Variants in IGSF22 observed in about 807,000 individuals in gnomAD.
IGSF22 encodes the protein immunoglobulin superfamily member 22.
IGSF22 carries 119 observed loss-of-function variants against 127.0 expected under a neutral mutation model. The observed-to-expected ratio is 0.94, with a 90% CI of 0.81 to 1.09. IGSF22 has a LOEUF of 1.09. Among genes scored for constraint, IGSF22 ranks in the 50% least tolerant of loss-of-function variants. The pLI is 0.00. For missense variants in IGSF22, 1,518 were observed against 1,716.6 expected (o/e 0.88, Z 2.04); for synonymous variants, 568 against 664.7 (o/e 0.85, Z 2.24).
chr11:18,707,263 A>G (rs755519953), intron 20 of IGSF22, 50 bp from the exon 21 acceptor site: 29 of 1,449,858 alleles, frequency 2.0e-5, no homozygotes, highest in South Asian at 7.0e-5. Flanking sequence ...CTGAAGTATT[A>G]TGTCCCCACC....
Position 18,714,210 on chromosome 11 carries a change from G to A in IGSF22, c.1799-62C>T. 3 of 1,592,876 alleles carry A rather than the reference G, an allele frequency of 1.9e-6. No individual in the cohort carries two copies. In the South Asian group the frequency reaches 3.5e-5, roughly 18 times the overall value. ...GCATGGAGGAGCCCATGGGGCGGGG[G>A]AGAAGCCATGAGCTTGTAGGTGGGC... On this transcript the variant is annotated intron_variant, in intron 13 of 22. Coordinates refer to ENST00000513874, the MANE Select transcript of IGSF22 (RefSeq NM_173588.4).
intron 4 of IGSF22, among the ~76,000 whole-genome samples, chr11:18,720,533 G>A (rs1373305063): frequency 1.3e-5 from 2 of 152,174 alleles, no homozygotes; most frequent in Non-Finnish European, 2.9e-5. Context: ...TCTCCCCCTT[G>A]GCTGTGAGCT....
rs996371204 is a variant in IGSF22, at chr11:18,716,948, G to A, written c.1026C>T (p.Arg342=). ...GEMKPVKVTE[R]QTAVFEIRLS... is the part of the protein sequence containing the mutation. ...GGCGGATCTCAAACACAGCTGTCTG[G>A]CGCTCTGTCACCTTCACAGGCTTCA... The change falls in exon 10 of 23, where the codon CGC becomes CGT. Residue 342 remains arginine, a synonymous_variant. Transcript: ENST00000513874. The surrounding 1 kb of genome is among the most constrained non-coding windows in gnomAD (Gnocchi z 4.5). 6.2e-7 allele frequency: 1 copy of A among 1,614,156 alleles called. No homozygotes were observed. Among genetic ancestry groups the A allele is most frequent in the Non-Finnish European group, 8.5e-7 (1 of 1,180,016 alleles).
chr11:18,716,573 T>C lies in IGSF22; in HGVS notation c.1246+155A>G, dbSNP rs772591490. On this transcript the variant is annotated intron_variant, in intron 10 of 22. Coordinates refer to ENST00000513874, the MANE Select transcript of IGSF22 (RefSeq NM_173588.4). This position sits in a 1 kb window ranked among gnomAD's most constrained non-coding sequence, Gnocchi z 4.5. Reference sequence around the variant, plus strand: ...CCTGCCTCCCCTACTAGACTAGGGGTTAACAGAGAGGAGATCCCCCTGTCT... The same window carrying C: ...CCTGCCTCCCCTACTAGACTAGGGGCTAACAGAGAGGAGATCCCCCTGTCT... Among the ~76,000 whole-genome samples the C allele has an allele frequency of 1.3e-5, 2 of 152,092 alleles. No individual in the cohort carries two copies. The highest frequency in any genetic ancestry group is 2.4e-5 in the African/African-American group (1 of 41,400).
Position 18,722,160 on chromosome 11 carries a change from G to A in IGSF22, c.110-119C>T, listed in dbSNP as rs1198986436. 63 of 1,222,926 alleles carry A rather than the reference G, an allele frequency of 5.2e-5. No homozygotes were observed. The Middle Eastern group carries it at 9.6e-4, about 19-fold the overall frequency. The allele number at this position is 1,222,926 out of a possible 1,614,324, so 75.8% of individuals were successfully genotyped here. A position where few individuals can be genotyped will look rare whatever the true frequency, so the allele number is the denominator to read the frequency against. On this transcript the variant is annotated intron_variant, in intron 2 of 22. Transcript: ENST00000513874. ...GGGAACAAAGAGCATTTAGGGAAGTGGGAGCAGGACCAGCTACATGGGGAG... is the reference window on the plus strand; with the variant it reads ...GGGAACAAAGAGCATTTAGGGAAGTAGGAGCAGGACCAGCTACATGGGGAG...
chr11:18,712,065 C>G lies in IGSF22; in HGVS notation c.2398+17G>C, dbSNP rs1848367567. On this transcript the variant is annotated intron_variant, in intron 15 of 22. Transcript: ENST00000513874. Reference sequence around the variant, plus strand: ...GACCCCTGGGTTCCCCACTGAGCACCAGGCTATCTCACTGACCTATGGGAT... The same window carrying G: ...GACCCCTGGGTTCCCCACTGAGCACGAGGCTATCTCACTGACCTATGGGAT... 1.9e-6 allele frequency: 3 copies of G among 1,539,570 alleles called. No homozygotes were observed. The highest frequency in any genetic ancestry group is 1.8e-6 in the Non-Finnish European group (2 of 1,139,062).
rs761343627 is a variant in IGSF22 at position 18,710,307 on chromosome 11, C to T, written c.2701+20G>A. The T allele has an allele frequency of 1.2e-6, 2 of 1,611,736 alleles. No homozygotes were observed. Among genetic ancestry groups the T allele is most frequent in the South Asian group, 2.2e-5 (2 of 91,010 alleles). ...GGGCTAATTCCATTATGTGTCAGGA[C>T]CTGGCAGCCGCATACTCACTAACAG... On this transcript the variant is annotated intron_variant, in intron 17 of 22. Coordinates refer to ENST00000513874, the MANE Select transcript of IGSF22 (RefSeq NM_173588.4).
chr11:18,718,833 A>G, intron 7 of IGSF22, 105 bp from the exon 8 acceptor site: 1 of 709,116 alleles, frequency 1.4e-6, no homozygotes, highest in Middle Eastern at 3.2e-4. Context: ...GGGAGAAATG[A>G]CTAGGCTCAT....
Position 18,720,065 on chromosome 11 carries a change from T to A in IGSF22, c.517A>T (p.Arg173Trp), listed in dbSNP as rs769168630. Residue 173 changes from arginine to tryptophan, a missense_variant and splice_region_variant, in exon 6 of 23, where the codon AGG becomes TGG. Arg to Trp is a moderately radical substitution (Grantham distance 101). Transcript: ENST00000513874. ...GGCAGAAGGACCTGCCAGCCTCACC[T>A]CTTCTTCAGCATCTTTTTGAAGTCC... ...KMDFKKMLKKRAPPAPKKKQK... is the reference protein window; with the variant it reads ...KMDFKKMLKKWAPPAPKKKQK... 4 of 1,614,092 alleles carry A rather than the reference T, an allele frequency of 2.5e-6. No homozygotes were observed. Among genetic ancestry groups the A allele is most frequent in the Non-Finnish European group, 2.5e-6 (3 of 1,180,012 alleles).
chr11:18,709,378 T>G lies in IGSF22; in HGVS notation c.2998+9A>C. 1 of 1,612,246 alleles carries G rather than the reference T, an allele frequency of 6.2e-7. No homozygotes were observed. Among genetic ancestry groups the G allele is most frequent in the South Asian group, 1.1e-5 (1 of 90,996 alleles). ...GGGCATGAATCCCCAGCCCTCTCTG[T>G]GTCCTCACCTGGTGGTGGCATGGCA... is the stretch of plus-strand genomic sequence containing the variant. On this transcript the variant is annotated intron_variant, in intron 18 of 22. Transcript: ENST00000513874. This position sits in a 1 kb window ranked among gnomAD's most constrained non-coding sequence, Gnocchi z 4.8.
Position 18,712,398 on chromosome 11 carries a change from A to G in IGSF22, c.2096-14T>C. The G allele has an allele frequency of 6.5e-7, 1 of 1,541,324 alleles. No individual in the cohort carries two copies. The highest frequency in any genetic ancestry group is 8.8e-7 in the Non-Finnish European group (1 of 1,140,486). On this transcript the variant is annotated splice_polypyrimidine_tract_variant and intron_variant, in intron 14 of 22. Transcript: ENST00000513874. ...GCTTTGGACGGTCTGGGGACAGAGA[A>G]CAGCTTCAGAATGGGGCTTTGGAAC... is the stretch of plus-strand genomic sequence containing the variant.
At chr11:18,705,681 CAATT>C (rs1848210733) in intron 22 of IGSF22, 132 bp downstream of exon 22, 2 of 728,364 alleles carry the variant, frequency 2.7e-6, no homozygotes, top group Non-Finnish European at 4.4e-6. Flanking sequence ...GAACTGTGGC[CAATT>C]AAGAATGTTT....
At chr11:18,719,310 G>GTTTTTTTTTT (rs55831921) in intron 7 of IGSF22, among the ~76,000 whole-genome samples, 1 of 149,758 alleles carries the variant, frequency 6.7e-6, no homozygotes, top group Non-Finnish European at 1.5e-5. Flanking sequence ...ACACCCAGCG[G>GTTTTTTTTTT]TTTTTTTTTG....
In IGSF22 at chr11:18,707,228, A is replaced by G. The variant is rs1213002386; in HGVS notation, c.3281-15T>C. On this transcript the variant is annotated splice_polypyrimidine_tract_variant and intron_variant, in intron 20 of 22. Transcript: ENST00000513874. ...CCGAGGGAAATCTGGAAGAGTTGGA[A>G]GATCTGTCAGCGACCTTGGGGCACC... 1.3e-6 allele frequency: 2 copies of G among 1,511,478 alleles called. No individual in the cohort carries two copies. The highest frequency in any genetic ancestry group is 1.8e-6 in the Non-Finnish European group (2 of 1,124,298). 93.6% of individuals were successfully genotyped at this position (1,511,478 alleles called of 1,614,324 possible).
At chr11:18,714,829 G>C (rs1848430678) in intron 11 of IGSF22, among the ~76,000 whole-genome samples, 1 of 152,034 alleles carries the variant, frequency 6.6e-6, no homozygotes, top group Admixed American at 6.6e-5. Context: ...CACATGGGAG[G>C]GGGATGGGGA....
At chr11:18,710,219 G>A (rs1268570817) in intron 17 of IGSF22, 108 bp downstream of exon 17, 2 of 1,423,972 alleles carry the variant, frequency 1.4e-6, no homozygotes, top group Non-Finnish European at 1.9e-6. Context: ...TTTCCAGAGT[G>A]TAGAGACTGT....
At chr11:18,719,670 G>T in intron 7 of IGSF22, 46 bp downstream of exon 7, 1 of 1,587,238 alleles carries the variant, frequency 6.3e-7, no homozygotes, top group Non-Finnish European at 8.6e-7. Context: ...TTTGGGTGAA[G>T]CCCTGCCCCT....
In IGSF22 at chr11:18,718,069, A is replaced by G; in HGVS notation, c.835T>C (p.Tyr279His). The change falls in exon 9 of 23, where the codon TAC becomes CAC. Residue 279 changes from tyrosine to histidine, a missense_variant. Physicochemically the swap from Tyr to His is moderately conservative, Grantham distance 83. This residue lies in a region of IGSF22 where 1,456 missense variants were observed against 1,644.9 expected (regional missense o/e 0.89). Transcript: ENST00000513874. Reference protein sequence around the residue: ...IKGTEPLRIQYSLGKYDVKQM... With the variant: ...IKGTEPLRIQHSLGKYDVKQM... ...TTCACATCGTACTTGCCCAGGGAGTACTGGATCCTCAGTGGCTCAGTACCC... is the reference window on the plus strand; with the variant it reads ...TTCACATCGTACTTGCCCAGGGAGTGCTGGATCCTCAGTGGCTCAGTACCC... 6.2e-7 allele frequency: 1 copy of G among 1,614,154 alleles called. No individual in the cohort carries two copies. Among genetic ancestry groups the G allele is most frequent in the Non-Finnish European group, 8.5e-7 (1 of 1,179,998 alleles).
chr11:18,725,199 C>T (rs1848633312), intron 1 of IGSF22, among the ~76,000 whole-genome samples: 1 of 151,930 alleles, frequency 6.6e-6, no homozygotes, highest in African/African-American at 2.4e-5. Flanking sequence ...GTGATCTCGG[C>T]TCATTGCAAC....
Sources: allele counts gnomAD v4.1 joint callset (sites outside exome capture counted in the v4.1 genomes callset), GRCh38; gene constraint gnomAD v4.1.1; regional missense constraint gnomAD v4.1.1; non-coding constraint Gnocchi (gnomAD v3.1); transcripts MANE v1.5; gene names NCBI Gene and HGNC (gene_info 2026-07-23, HGNC 2026-07-21).